MAF: variants seen among roughly 807,000 people sequenced by gnomAD.
MAF encodes MAF bZIP transcription factor.
A neutral mutation model predicts 22.0 loss-of-function variants in MAF; 10 were observed. The observed-to-expected ratio is 0.45, with a 90% CI of 0.28 to 0.77. The LOEUF (loss-of-function observed/expected upper bound fraction) is 0.77. MAF is among the 30% of genes least tolerant of loss of function. The pLI is 0.12. For synonymous variants in MAF, 337 were observed against 255.8 expected (o/e 1.32, Z -3.03); for missense variants, 544 against 548.4 (o/e 0.99, Z 0.08).
the MAF span, among the ~76,000 whole-genome samples, chr16:79,398,840 T>C: frequency 1.3e-5 from 2 of 152,200 alleles, no homozygotes; most frequent in East Asian, 1.9e-4. Flanking sequence ...CTCTCCCCAG[T>C]TGAGCTAGGC....
At chr16:79,544,869 G>A in the MAF span, among the ~76,000 whole-genome samples, 1 of 151,786 alleles carries the variant, frequency 6.6e-6, no homozygotes, top group African/African-American at 2.4e-5. Flanking sequence ...ATTCATGTTT[G>A]GTAAAACTGA....
chr16:79,445,219 T>A, the MAF span, among the ~76,000 whole-genome samples: 3 of 151,492 alleles, frequency 2.0e-5, no homozygotes, highest in Admixed American at 1.3e-4. Flanking sequence ...ATTTTTTTTT[T>A]TTTTTAGTAG....
chr16:79,492,628 T>A, the MAF span, among the ~76,000 whole-genome samples: 1 of 152,024 alleles, frequency 6.6e-6, no homozygotes, highest in East Asian at 1.9e-4. Context: ...ATGAATACAA[T>A]GTCCATCAAT....
At chr16:79,472,403 A>T in the MAF span, among the ~76,000 whole-genome samples, 1 of 152,224 alleles carries the variant, frequency 6.6e-6, no homozygotes, top group Non-Finnish European at 1.5e-5. Flanking sequence ...GATACCCAAG[A>T]TATGTTCTAT....
At chr16:79,386,088 C>T in the MAF span, among the ~76,000 whole-genome samples, 1 of 152,200 alleles carries the variant, frequency 6.6e-6, no homozygotes. Context: ...GTATAATCAG[C>T]AGTCCCCAAC....
chr16:79,339,912 C>T, the MAF span, among the ~76,000 whole-genome samples: 1 of 152,286 alleles, frequency 6.6e-6, no homozygotes, highest in Admixed American at 6.5e-5. Context: ...CTGCCAAGTT[C>T]TAACTGCCAT....
chr16:79,276,725 A>G, the MAF span, among the ~76,000 whole-genome samples: 1 of 152,142 alleles, frequency 6.6e-6, no homozygotes. Context: ...TGATGATGAA[A>G]AGGATAAAGC....
chr16:79,293,263 A>C, the MAF span, among the ~76,000 whole-genome samples: 1 of 152,264 alleles, frequency 6.6e-6, no homozygotes, highest in South Asian at 2.1e-4. Context: ...AGCCACCCCA[A>C]TAAGACTCCA....
chr16:79,369,605 A>C, the MAF span, among the ~76,000 whole-genome samples: 1 of 152,212 alleles, frequency 6.6e-6, no homozygotes, highest in Non-Finnish European at 1.5e-5. Context: ...TCTGACACCC[A>C]AGACTTGGGA....
the MAF span, among the ~76,000 whole-genome samples, chr16:79,547,291 A>G: frequency 6.6e-6 from 1 of 151,990 alleles, no homozygotes; most frequent in Middle Eastern, 3.2e-3. Context: ...GCACATACAC[A>G]CACACACATA....
At chr16:79,556,477 C>A in the MAF span, among the ~76,000 whole-genome samples, 1 of 152,128 alleles carries the variant, frequency 6.6e-6, no homozygotes, top group Non-Finnish European at 1.5e-5. Flanking sequence ...CCTGAACCCA[C>A]AATAATAACC....
chr16:79,328,668 T>C, the MAF span, among the ~76,000 whole-genome samples: 1 of 152,154 alleles, frequency 6.6e-6, no homozygotes, highest in African/African-American at 2.4e-5. Flanking sequence ...TTGGGAGTCT[T>C]TCATTTGGCC....
the MAF span, among the ~76,000 whole-genome samples, chr16:79,560,294 G>C: frequency 3.9e-5 from 6 of 152,072 alleles, no homozygotes; most frequent in Non-Finnish European, 1.5e-5. Context: ...AAATCATGAA[G>C]TGAAAAGGAT....
chr16:79,227,391 C>A, the MAF span, among the ~76,000 whole-genome samples: 6 of 152,102 alleles, frequency 3.9e-5, no homozygotes, highest in Admixed American at 2.0e-4. Context: ...GGCTGGTTGT[C>A]TGAATTACCT....
chr16:79,313,132 G>A, the MAF span, among the ~76,000 whole-genome samples: 12 of 152,170 alleles, frequency 7.9e-5, no homozygotes, highest in African/African-American at 2.7e-4. Context: ...TCACAAGCGT[G>A]CCACGAAGAT....
the MAF span, among the ~76,000 whole-genome samples, chr16:79,327,566 G>T: frequency 6.6e-6 from 1 of 152,172 alleles, no homozygotes; most frequent in African/African-American, 2.4e-5. Context: ...CTTGCTATAG[G>T]TGAGTCAGCT....
At chr16:79,377,332 G>C in the MAF span, among the ~76,000 whole-genome samples, 1 of 152,188 alleles carries the variant, frequency 6.6e-6, no homozygotes, top group African/African-American at 2.4e-5. Context: ...CTTCTTTTGA[G>C]AAGTGTCTGT....
the MAF span, among the ~76,000 whole-genome samples, chr16:79,296,217 T>C: frequency 2.0e-5 from 3 of 152,342 alleles, no homozygotes; most frequent in African/African-American, 4.8e-5. Flanking sequence ...ATAAAGTTAA[T>C]TTTATAGATC....
the MAF span, among the ~76,000 whole-genome samples, chr16:79,257,828 G>A: frequency 2.0e-5 from 3 of 152,242 alleles, no homozygotes; most frequent in East Asian, 1.9e-4. Context: ...AACTGGAGAC[G>A]AGAAAGCCAT....
Sources: allele counts gnomAD v4.1 joint callset (sites outside exome capture counted in the v4.1 genomes callset), GRCh38; gene constraint gnomAD v4.1.1; transcripts MANE v1.5; gene names NCBI Gene and HGNC (gene_info 2026-07-23, HGNC 2026-07-21).